PML: variants seen among roughly 807,000 people sequenced by gnomAD.
PML encodes protein PML.
In PML, 28 loss-of-function variants were observed where a neutral mutation model predicts 65.2. That is an observed-to-expected ratio of 0.43 (90% CI 0.32 to 0.59). The LOEUF (loss-of-function observed/expected upper bound fraction) is 0.59. Ranked by LOEUF, PML falls within the 20% of genes least tolerant of loss-of-function variation. The pLI is 0.08. For synonymous variants in PML, 500 were observed against 508.8 expected (o/e 0.98, Z 0.23); for missense variants, 1,021 against 1,203.4 (o/e 0.85, Z 2.24).
chr15:74,045,104 AC>A lies in PML; in HGVS notation c.*99del. ...CATCACAGCATTCCCAGGTCCTGGTACCCAGCCCTCAGTTGTCATTTGGTTC... is the reference window on the plus strand; with the variant it reads ...CATCACAGCATTCCCAGGTCCTGGTACCAGCCCTCAGTTGTCATTTGGTTC... On this transcript the variant is annotated 3_prime_UTR_variant, in exon 9 of 9. Coordinates refer to ENST00000268058, the MANE Select transcript of PML (RefSeq NM_033238.3). 8.9e-7 allele frequency: 1 copy of A among 1,129,166 alleles called. No individual in the cohort carries two copies. The highest frequency in any genetic ancestry group is 1.2e-6 in the Non-Finnish European group (1 of 804,498). 69.9% of individuals were successfully genotyped at this position (1,129,166 alleles called of 1,614,324 possible). A position where few individuals can be genotyped will look rare whatever the true frequency, so the allele number is the denominator to read the frequency against.
chr15:74,045,075 C>A lies in PML; in HGVS notation c.*67C>A. ...GGGATGGGGTCCCTGAGCCAGGCCCCACCCATCACAGCATTCCCAGGTCCT... is the reference window on the plus strand; with the variant it reads ...GGGATGGGGTCCCTGAGCCAGGCCCAACCCATCACAGCATTCCCAGGTCCT... On this transcript the variant is annotated 3_prime_UTR_variant, in exon 9 of 9. Coordinates refer to ENST00000268058, the MANE Select transcript of PML (RefSeq NM_033238.3). 7.2e-7 allele frequency: 1 copy of A among 1,386,774 alleles called. No homozygotes were observed. Among genetic ancestry groups the A allele is most frequent in the South Asian group, 1.3e-5 (1 of 74,562 alleles). 85.9% of individuals were successfully genotyped at this position (1,386,774 alleles called of 1,614,324 possible). A position where few individuals can be genotyped will look rare whatever the true frequency, so the allele number is the denominator to read the frequency against.
chr15:74,035,018 G>A lies in PML; in HGVS notation c.1710+488G>A, dbSNP rs553035041. ...ATTCCACAGTGAAACAGGTGGCCTC[G>A]TGGGTAGTGACCCTTCTGTCCCTAG... On this transcript the variant is annotated intron_variant, in intron 7 of 8. Coordinates refer to ENST00000268058, the MANE Select transcript of PML (RefSeq NM_033238.3). The surrounding 1 kb of genome is among the most constrained non-coding windows in gnomAD (Gnocchi z 4.1). The A allele has an allele frequency of 4.1e-5, 63 of 1,535,414 alleles. No homozygotes were observed. The highest frequency in any genetic ancestry group is 3.5e-4 in the Middle Eastern group (2 of 5,648).
rs756803454 is a variant in PML, at chr15:74,022,933, A to G, written c.708A>G (p.Arg236=). 6.2e-7 allele frequency: 1 copy of G among 1,612,268 alleles called. No homozygotes were observed. The highest frequency in any genetic ancestry group is 2.2e-5 in the East Asian group (1 of 44,800). Reference sequence around the variant, plus strand: ...ACATCAGCGCAGAGATCCAGCAGCGACAGGAGGAGCTGGACGCCATGACGC... The same window carrying G: ...ACATCAGCGCAGAGATCCAGCAGCGGCAGGAGGAGCTGGACGCCATGACGC... The part of the protein sequence containing the change: ...KCDISAEIQQ[R]QEELDAMTQA... Residue 236 remains arginine (R), a synonymous_variant, in exon 3 of 9, where the codon CGA becomes CGG. Transcript: ENST00000268058.
At position 74,035,153 on chromosome 15, in the gene PML, G is replaced by T; in HGVS notation, c.1710+623G>T. On this transcript the variant is annotated intron_variant, in intron 7 of 8. Coordinates refer to ENST00000268058, the MANE Select transcript of PML (RefSeq NM_033238.3). This position sits in a 1 kb window ranked among gnomAD's most constrained non-coding sequence, Gnocchi z 4.1. ...TGAGGTCTCTTCCAGCCCTCAGTCT[G>T]AGGTTCTGTATTGGAAAGTGCATGG... 8.4e-7 allele frequency: 1 copy of T among 1,186,134 alleles called. No individual in the cohort carries two copies. 73.5% of individuals were successfully genotyped at this position (1,186,134 alleles called of 1,614,324 possible).
chr15:73,999,944 C>T (rs559750648), intron 2 of PML, among the ~76,000 whole-genome samples: 191 of 150,348 alleles, frequency 1.3e-3, no homozygotes, highest in Middle Eastern at 0.01. Context: ...ACGCCATTTT[C>T]CTGCCTCAGC....
In PML at chr15:74,042,526, GA is replaced by G; in HGVS notation, c.1711-462del. 1.0e-6 allele frequency: 1 copy of G among 985,440 alleles called. No individual in the cohort carries two copies. Among genetic ancestry groups the G allele is most frequent in the Non-Finnish European group, 1.2e-6 (1 of 829,922 alleles). 61.0% of individuals were successfully genotyped at this position (985,440 alleles called of 1,614,324 possible). ...GCTCAGAAAGATGAAATTAGGAGCA[GA>G]CATCTCAGGTCCTGCCTGCCATAGC... On this transcript the variant is annotated intron_variant, in intron 7 of 8. Transcript: ENST00000268058. The surrounding 1 kb of genome is among the most constrained non-coding windows in gnomAD (Gnocchi z 5.3).
At chr15:74,024,613 G>A (rs1161995579) in intron 3 of PML, among the ~76,000 whole-genome samples, 1 of 152,178 alleles carries the variant, frequency 6.6e-6, no homozygotes, top group Non-Finnish European at 1.5e-5. Context: ...CTTGGGGTTT[G>A]GAGCCAAAAG....
chr15:74,044,091 G>C (rs2071743016), intron 8 of PML, 130 bp from the exon 9 acceptor site: 2 of 835,658 alleles, frequency 2.4e-6, no homozygotes, highest in African/African-American at 3.3e-5. Context: ...GGGCTGATGT[G>C]TGGCTACTGC....
chr15:74,033,080 C>A, intron 5 of PML, 76 bp from the exon 6 acceptor site: 2 of 1,536,236 alleles, frequency 1.3e-6, no homozygotes, highest in South Asian at 1.1e-5. Context: ...GGCCACAAGT[C>A]CCTGGCAGTC....
intron 2 of PML, among the ~76,000 whole-genome samples, chr15:74,019,614 A>G (rs543039576): frequency 6.6e-6 from 1 of 152,244 alleles, no homozygotes; most frequent in Non-Finnish European, 1.5e-5. Flanking sequence ...CTATGAAGAT[A>G]TTCTTATTTT....
intron 7 of PML, among the ~76,000 whole-genome samples, chr15:74,039,885 C>G (rs1024056377): frequency 7.9e-5 from 12 of 152,140 alleles, no homozygotes; most frequent in Non-Finnish European, 5.9e-5. Flanking sequence ...CCTGATGTAC[C>G]TCCTGGACTT....
In PML at chr15:74,036,953, C is replaced by T. The variant is rs955453656; in HGVS notation, c.1710+2423C>T. 5.1e-6 allele frequency: 5 copies of T among 985,338 alleles called. No homozygotes were observed. The African/African-American group carries it at 8.7e-5, about 17-fold the overall frequency. 61.0% of individuals were successfully genotyped at this position (985,338 alleles called of 1,614,324 possible). The stretch of plus-strand genomic sequence containing the variant: ...CAGTCCTACCTTCGCCTCCCTCCAG[C>T]CCCGCGCACTCCCCATTTCATCCCA... On this transcript the variant is annotated intron_variant, in intron 7 of 8. Coordinates refer to ENST00000268058, the MANE Select transcript of PML (RefSeq NM_033238.3).
chr15:73,999,834 ATTTTT>A (rs368015472), intron 2 of PML, among the ~76,000 whole-genome samples: 1 of 135,780 alleles, frequency 7.4e-6, no homozygotes. Context: ...ATTTTTTTTA[ATTTTT>A]TTTTTTTTTT....
Position 74,042,253 on chromosome 15 carries a change from T to G in PML, c.1711-736T>G, listed in dbSNP as rs985913148. On this transcript the variant is annotated intron_variant, in intron 7 of 8. Coordinates refer to ENST00000268058, the MANE Select transcript of PML (RefSeq NM_033238.3). This position sits in a 1 kb window ranked among gnomAD's most constrained non-coding sequence, Gnocchi z 5.3. ...GAAGGACTCCCAAAACTCAGGTTTC[T>G]CTAAGCTGCTGGGGCAGATGCCAAG... 1 of 550,684 alleles carries G rather than the reference T, an allele frequency of 1.8e-6. No homozygotes were observed. The highest frequency in any genetic ancestry group is 2.0e-5 in the African/African-American group (1 of 48,982). The allele number at this position is 550,684 out of a possible 1,614,324, so 34.1% of individuals were successfully genotyped here. A position where few individuals can be genotyped will look rare whatever the true frequency, so the allele number is the denominator to read the frequency against.
In PML at chr15:74,023,328, A is replaced by G. The variant is rs764951444; in HGVS notation, c.1103A>G (p.Gln368Arg). The G allele has an allele frequency of 5.0e-6, 8 of 1,606,980 alleles. No individual in the cohort carries two copies. The highest frequency in any genetic ancestry group is 5.9e-6 in the Non-Finnish European group (7 of 1,179,858). ...CGCCAGGAGGAGCCCCAGAGCCTGC[A>G]AGCTGCCGTGCGCACCGATGGCTTC... ...RLRQEEPQSL[Q>R]AAVRTDGFDE... is the part of the protein sequence containing the mutation. Residue 368 changes from glutamine to arginine, a missense_variant, in exon 3 of 9, where the codon CAA becomes CGA. Gln to Arg is a conservative substitution (Grantham distance 43, BLOSUM62 1). Transcript: ENST00000268058.
chr15:74,001,631 A>G (rs577045425), intron 2 of PML, among the ~76,000 whole-genome samples: 3 of 152,176 alleles, frequency 2.0e-5, no homozygotes, highest in Admixed American at 6.5e-5. Context: ...GTGAGCTACA[A>G]TGCCCTGCCT....
At chr15:74,006,393 A>C (rs1422197325) in intron 2 of PML, among the ~76,000 whole-genome samples, 3 of 150,734 alleles carry the variant, frequency 2.0e-5, no homozygotes, top group Non-Finnish European at 4.4e-5. Context: ...TCCGTCTCAA[A>C]AAAAAAAAAA....
At chr15:74,012,718 T>C (rs2070390203) in intron 2 of PML, among the ~76,000 whole-genome samples, 1 of 152,236 alleles carries the variant, frequency 6.6e-6, no homozygotes. Flanking sequence ...TTTGGTTCCA[T>C]GTCAATAGGA....
rs1482585191 is a variant in PML at position 74,037,096 on chromosome 15, CTA to C, written c.1710+2568_1710+2569del. On this transcript the variant is annotated intron_variant, in intron 7 of 8. Coordinates refer to ENST00000268058, the MANE Select transcript of PML (RefSeq NM_033238.3). The surrounding 1 kb of genome is among the most constrained non-coding windows in gnomAD (Gnocchi z 4.2). The stretch of plus-strand genomic sequence containing the variant: ...TCTGCAGGAGAAAGGCCTGGGAAAA[CTA>C]TGAGTGGTTGCCTGTGACTGCTAAG... 1.2e-5 allele frequency: 12 copies of C among 985,326 alleles called. No homozygotes were observed. Among genetic ancestry groups the C allele is most frequent in the Admixed American group, 6.1e-5 (1 of 16,266 alleles). The allele number at this position is 985,326 out of a possible 1,614,324, so 61.0% of individuals were successfully genotyped here. A position where few individuals can be genotyped will look rare whatever the true frequency, so the allele number is the denominator to read the frequency against.
Sources: gnomAD v4.1 joint callset for allele counts (sites outside exome capture counted in the v4.1 genomes callset) on GRCh38, gnomAD v4.1.1 for gene constraint, Gnocchi (gnomAD v3.1) non-coding constraint, MANE v1.5 for transcripts, NCBI Gene and HGNC (gene_info 2026-07-23, HGNC 2026-07-21) for gene names.